Variants in FAT3 observed in about 807,000 individuals in gnomAD.
FAT3 encodes the protein protocadherin Fat 3.
FAT3 carries 95 observed loss-of-function variants against 310.2 expected under a neutral mutation model. That is an observed-to-expected ratio of 0.31 (90% CI 0.26 to 0.36). FAT3 has a LOEUF of 0.36. FAT3 is among the 10% of genes least tolerant of loss of function. The pLI is 1.00. For synonymous variants in FAT3, 2,314 were observed against 2,192.9 expected, an observed-to-expected ratio of 1.06 and a Z score of -1.54; for missense variants, 5,408 against 5,715.6, an observed-to-expected ratio of 0.95 and a Z score of 1.74.
intron 27 of FAT3, 45 bp from the exon 28 acceptor site, chr11:92,890,446 A>C: frequency 1.3e-6 from 2 of 1,559,888 alleles, no homozygotes; most frequent in Non-Finnish European, 1.7e-6. Context: ...CAAAGCACCA[A>C]CTCCAGTCTA....
At chr11:92,414,497 T>C (rs1447238169) in intron 2 of FAT3, among the ~76,000 whole-genome samples, 1 of 152,262 alleles carries the variant, frequency 6.6e-6, no homozygotes, top group African/African-American at 2.4e-5. Flanking sequence ...ATGTAGTTAC[T>C]TTTGTAAAAT....
chr11:92,381,401 T>C (rs1949492614), intron 2 of FAT3, among the ~76,000 whole-genome samples: 2 of 152,164 alleles, frequency 1.3e-5, no homozygotes, highest in South Asian at 4.1e-4. Flanking sequence ...TACTCCTAGC[T>C]ACTTGGGAGG....
chr11:92,683,007 G>A (rs1203557188), intron 3 of FAT3, among the ~76,000 whole-genome samples: 1 of 148,978 alleles, frequency 6.7e-6, no homozygotes, highest in Non-Finnish European at 1.5e-5. Context: ...GAACCCAGGA[G>A]GCGGAGGTTG....
At chr11:92,869,656 G>A (rs896160920) in intron 22 of FAT3, among the ~76,000 whole-genome samples, 1 of 152,016 alleles carries the variant, frequency 6.6e-6, no homozygotes, top group Non-Finnish European at 1.5e-5. Flanking sequence ...CCAAACAGGG[G>A]AGAGAAAAAA....
At chr11:92,278,448 G>A (rs1946334521) in intron 1 of FAT3, among the ~76,000 whole-genome samples, 1 of 151,806 alleles carries the variant, frequency 6.6e-6, no homozygotes, top group Non-Finnish European at 1.5e-5. Context: ...AGTTTTGCTG[G>A]GCCTCTTTGG....
At chr11:92,618,891 A>C (rs1246247108) in intron 3 of FAT3, among the ~76,000 whole-genome samples, 1 of 152,144 alleles carries the variant, frequency 6.6e-6, no homozygotes, top group Non-Finnish European at 1.5e-5. Flanking sequence ...GAGTCAAAGC[A>C]GCAAGAGCAT....
intron 2 of FAT3, among the ~76,000 whole-genome samples, chr11:92,395,203 C>T (rs1404407269): frequency 6.6e-6 from 1 of 152,132 alleles, no homozygotes; most frequent in Non-Finnish European, 1.5e-5. Flanking sequence ...CTCACTTTGT[C>T]TTCCTGTAAT....
At chr11:92,428,070 C>T (rs763835340) in intron 2 of FAT3, among the ~76,000 whole-genome samples, 3 of 151,696 alleles carry the variant, frequency 2.0e-5, no homozygotes, top group African/African-American at 7.3e-5. Context: ...TTTGTCTGTT[C>T]AGGGATTTGA....
chr11:92,277,771 C>T (rs866962743), intron 1 of FAT3, among the ~76,000 whole-genome samples: 28 of 152,004 alleles, frequency 1.8e-4, no homozygotes, highest in African/African-American at 6.0e-4. Flanking sequence ...ACCTGAGTGA[C>T]GGGGTCACTT....
At chr11:92,464,584 G>T (rs535797907) in intron 2 of FAT3, among the ~76,000 whole-genome samples, 57 of 152,310 alleles carry the variant, frequency 3.7e-4, no homozygotes, top group African/African-American at 1.3e-3. Flanking sequence ...CCCTTAAATG[G>T]TCTGCATGGG....
intron 1 of FAT3, among the ~76,000 whole-genome samples, chr11:92,297,691 G>T (rs1048152474): frequency 2.6e-5 from 4 of 152,028 alleles, no homozygotes; most frequent in Non-Finnish European, 5.9e-5. Context: ...TTTCTGTGTT[G>T]CACGGTTTCC....
intron 3 of FAT3, among the ~76,000 whole-genome samples, chr11:92,540,062 T>G (rs748594125): frequency 1.3e-5 from 2 of 152,166 alleles, no homozygotes; most frequent in Non-Finnish European, 2.9e-5. Context: ...AGGTTTTCAC[T>G]TGGACTGTTC....
At chr11:92,360,816 C>T (rs1234931111) in intron 2 of FAT3, among the ~76,000 whole-genome samples, 4 of 152,152 alleles carry the variant, frequency 2.6e-5, no homozygotes, top group Non-Finnish European at 5.9e-5. Context: ...GTAATTGTCA[C>T]AGTAATGCAA....
At chr11:92,230,551 C>A (rs1187617736) in intron 1 of FAT3, among the ~76,000 whole-genome samples, 2 of 152,178 alleles carry the variant, frequency 1.3e-5, no homozygotes, top group Admixed American at 6.5e-5. Context: ...ACCTCGGCCT[C>A]CCAAAGTGCT....
At chr11:92,390,107 G>C (rs1470576519) in intron 2 of FAT3, among the ~76,000 whole-genome samples, 1 of 152,068 alleles carries the variant, frequency 6.6e-6, no homozygotes, top group Non-Finnish European at 1.5e-5. Flanking sequence ...TAAGAGCTAA[G>C]TTTTGTTGAG....
At chr11:92,722,522 G>C (rs539884610) in intron 4 of FAT3, among the ~76,000 whole-genome samples, 1 of 152,164 alleles carries the variant, frequency 6.6e-6, no homozygotes, top group African/African-American at 2.4e-5. Flanking sequence ...CTACCATTCT[G>C]GGGCCTGGAG....
Position 92,292,633 on chromosome 11 carries a change from C to A in FAT3, c.-17-59463C>A, listed in dbSNP as rs186055188. On this transcript the variant is annotated intron_variant, in intron 1 of 27. Coordinates refer to ENST00000525166, the MANE Select transcript of FAT3 (RefSeq NM_001367949.2). ...GAGGTTATACTGCATATAGCAAATT[C>A]TCCCCACCTGGAATGACACTTCTAT... Among the ~76,000 whole-genome samples the A allele has an allele frequency of 4.7e-4, 72 of 152,150 alleles. 1 individual carries two copies. Among genetic ancestry groups the A allele is most frequent in the Admixed American group, 1.2e-3 (18 of 15,280 alleles).
At chr11:92,298,355 A>G (rs1054643803) in intron 1 of FAT3, among the ~76,000 whole-genome samples, 22 of 152,132 alleles carry the variant, frequency 1.4e-4, no homozygotes, top group African/African-American at 5.3e-4. Context: ...CTTTGTTTAC[A>G]CAGAATATGC....
intron 1 of FAT3, among the ~76,000 whole-genome samples, chr11:92,261,120 C>T (rs996271473): frequency 6.6e-6 from 1 of 151,926 alleles, no homozygotes; most frequent in African/African-American, 2.4e-5. Flanking sequence ...CATAAATCAT[C>T]CTAGATCCCT....
Sources: allele counts gnomAD v4.1 joint callset (sites outside exome capture counted in the v4.1 genomes callset), GRCh38; gene constraint gnomAD v4.1.1; transcripts MANE v1.5; gene names NCBI Gene and HGNC (gene_info 2026-07-23, HGNC 2026-07-21).